GABRP: variants seen among roughly 807,000 people sequenced by gnomAD.
GABRP encodes the protein gamma-aminobutyric acid receptor subunit pi.
A neutral mutation model predicts 47.8 loss-of-function variants in GABRP; 52 were observed. The observed-to-expected ratio is 1.09, with a 90% CI of 0.87 to 1.37. The LOEUF (loss-of-function observed/expected upper bound fraction) is 1.37, where lower values mean the gene tolerates loss of function less well. Ranked by LOEUF, GABRP falls within the 40% of genes most tolerant of loss-of-function variation. The pLI, the probability that GABRP is intolerant of heterozygous loss-of-function variation, is 0.00. For missense variants in GABRP, 525 were observed against 542.8 expected (o/e 0.97, Z 0.33); for synonymous variants, 221 against 205.8 (o/e 1.07, Z -0.63).
chr5:170,792,919 G>C (rs965045413), intron 3 of GABRP, among the ~76,000 whole-genome samples: 2 of 152,130 alleles, frequency 1.3e-5, no homozygotes, highest in Non-Finnish European at 2.9e-5. Flanking sequence ...GCAAGTGAAT[G>C]CTATTGCATC....
chr5:170,802,910 G>A (rs1179416568), intron 6 of GABRP, among the ~76,000 whole-genome samples: 1 of 152,130 alleles, frequency 6.6e-6, no homozygotes, highest in African/African-American at 2.4e-5. Context: ...ACCTCACTAT[G>A]GGTTTTTTTC....
chr5:170,808,278 C>A (rs1765787539), intron 7 of GABRP, among the ~76,000 whole-genome samples: 1 of 152,120 alleles, frequency 6.6e-6, no homozygotes, highest in Non-Finnish European at 1.5e-5. Flanking sequence ...TTTGTGAGTG[C>A]AGAACTGAAA....
At position 170,797,564 on chromosome 5, in the gene GABRP, A is replaced by G. The variant is rs200666504; in HGVS notation, c.541+16A>G. 204 of 1,524,078 alleles carry G rather than the reference A, an allele frequency of 1.3e-4. No individual in the cohort carries two copies. The highest frequency in any genetic ancestry group is 1.6e-4 in the Non-Finnish European group (175 of 1,098,462). 94.4% of individuals were successfully genotyped at this position (1,524,078 alleles called of 1,614,324 possible). ...CTGGAAAGCTGTAAGTATACATCCT[A>G]CAGGCTCCTGAGATGATTTTCCTGG... On this transcript the variant is annotated intron_variant, in intron 6 of 9. Transcript: ENST00000265294.
At chr5:170,809,077 C>T (rs1476237318) in intron 8 of GABRP, among the ~76,000 whole-genome samples, 8 of 152,130 alleles carry the variant, frequency 5.3e-5, no homozygotes, top group Admixed American at 5.2e-4. Flanking sequence ...GCTGGGACTA[C>T]AGGCATGTGC....
intron 9 of GABRP, among the ~76,000 whole-genome samples, chr5:170,810,600 T>C (rs1387133124): frequency 6.6e-6 from 1 of 152,202 alleles, no homozygotes; most frequent in African/African-American, 2.4e-5. Context: ...CTAGTGTTAT[T>C]TGGAAGCCAA....
At chr5:170,797,106 C>T (rs1270750020) in intron 5 of GABRP, among the ~76,000 whole-genome samples, 4 of 152,310 alleles carry the variant, frequency 2.6e-5, no homozygotes, top group African/African-American at 7.2e-5. Flanking sequence ...CAAGTGGTGA[C>T]GATAGTGATG....
rs1441004989 is a variant in GABRP, at chr5:170,809,655, A to T, written c.920A>T (p.Asp307Val). Residue 307 changes from aspartate to valine, a missense_variant, in exon 9 of 10, where the codon GAT becomes GTT. By Grantham distance (152) the Asp-to-Val change is radical (BLOSUM62 -3). Transcript: ENST00000265294. ...ACCAACTGCTTCATCAAGGCCATCG[A>T]TGTGTACCTGGGGATCTGCTTTAGC... is the stretch of plus-strand genomic sequence containing the variant. ...PNTNCFIKAI[D>V]VYLGICFSFV... 1.2e-6 allele frequency: 2 copies of T among 1,614,128 alleles called. No individual in the cohort carries two copies. The highest frequency in any genetic ancestry group is 1.7e-6 in the Non-Finnish European group (2 of 1,180,020).
intron 2 of GABRP, 120 bp from the exon 3 acceptor site, chr5:170,789,009 T>C (rs1765195299): frequency 1.3e-6 from 1 of 748,398 alleles, no homozygotes; most frequent in Admixed American, 2.3e-5. Context: ...ATGTCACTGC[T>C]GGTACATGGG....
At chr5:170,809,202 G>T (rs189223836) in intron 8 of GABRP, among the ~76,000 whole-genome samples, 8 of 152,318 alleles carry the variant, frequency 5.3e-5, no homozygotes, top group Admixed American at 3.9e-4. Flanking sequence ...CTCCCAAAGT[G>T]CTGGGATTAC....
At chr5:170,791,687 T>G (rs1182096880) in intron 3 of GABRP, among the ~76,000 whole-genome samples, 2 of 152,052 alleles carry the variant, frequency 1.3e-5, no homozygotes, top group Non-Finnish European at 2.9e-5. Flanking sequence ...TCTCGTGTCT[T>G]TTCCATTCTC....
chr5:170,795,208 G>A lies in GABRP; in HGVS notation c.241G>A (p.Asp81Asn). 6.2e-7 allele frequency: 1 copy of A among 1,611,758 alleles called. No individual in the cohort carries two copies. Among genetic ancestry groups the A allele is most frequent in the Non-Finnish European group, 8.5e-7 (1 of 1,178,890 alleles). The change falls in exon 5 of 10, where the codon GAC becomes AAC. Residue 81 changes from aspartate to asparagine, a missense_variant and splice_region_variant. Transcript: ENST00000265294. ...SISSISESNM[D>N]YTATIYLRQR... ...TCCATACCCTGCCTCCCCCTCCCAG[G>A]ACTACACAGCCACCATATACCTCCG...
At chr5:170,786,905 A>G (rs1765143774) in intron 1 of GABRP, among the ~76,000 whole-genome samples, 1 of 152,236 alleles carries the variant, frequency 6.6e-6, no homozygotes, top group Non-Finnish European at 1.5e-5. Context: ...ATATATGTGT[A>G]TCTGTGGATA....
rs554417290 is a variant in GABRP at position 170,785,962 on chromosome 5, T to A, written c.-43+2088T>A. Among the ~76,000 whole-genome samples, 86 of 152,330 alleles carry A rather than the reference T, an allele frequency of 5.6e-4. 1 individual carries two copies. In the South Asian group the frequency reaches 0.017, roughly 30 times the overall value. ...ACTCTTCAAGAATCAAATGACCTTT[T>A]CTGTGACTTCCCTTTTGACATTGCC... On this transcript the variant is annotated intron_variant, in intron 1 of 9. Coordinates refer to ENST00000265294, the MANE Select transcript of GABRP (RefSeq NM_014211.3).
chr5:170,790,012 A>G (rs1765225668), intron 3 of GABRP, among the ~76,000 whole-genome samples: 1 of 152,154 alleles, frequency 6.6e-6, no homozygotes, highest in Admixed American at 6.5e-5. Context: ...TCAAAATCAT[A>G]GCCGTTCCCA....
Position 170,812,512 on chromosome 5 carries a change from G to T in GABRP, c.*254G>T, listed in dbSNP as rs1765916092. On this transcript the variant is annotated 3_prime_UTR_variant, in exon 10 of 10. Transcript: ENST00000265294. ...TCTTAATCAAGGACATTCCCATGGAGCCCAAGATTACAAATGTACTCAGGG... is the reference window on the plus strand; with the variant it reads ...TCTTAATCAAGGACATTCCCATGGATCCCAAGATTACAAATGTACTCAGGG... The T allele has an allele frequency of 4.6e-6, 2 of 436,110 alleles. No individual in the cohort carries two copies. Among genetic ancestry groups the T allele is most frequent in the South Asian group, 3.2e-5 (1 of 31,058 alleles). 27.0% of individuals were successfully genotyped at this position (436,110 alleles called of 1,614,324 possible). A position where few individuals can be genotyped will look rare whatever the true frequency, so the allele number is the denominator to read the frequency against.
chr5:170,809,230 C>T (rs547187713), intron 8 of GABRP, among the ~76,000 whole-genome samples: 1 of 152,282 alleles, frequency 6.6e-6, no homozygotes, highest in South Asian at 2.1e-4. Context: ...AGCCACTATG[C>T]CCTGCCAGGA....
intron 6 of GABRP, among the ~76,000 whole-genome samples, chr5:170,797,839 C>A (rs1765472188): frequency 6.6e-6 from 1 of 152,184 alleles, no homozygotes; most frequent in Admixed American, 6.5e-5. Context: ...CAGGGGTCAG[C>A]AAACAACGGC....
At chr5:170,800,882 G>T (rs924973996) in intron 6 of GABRP, among the ~76,000 whole-genome samples, 1 of 152,180 alleles carries the variant, frequency 6.6e-6, no homozygotes, top group Non-Finnish European at 1.5e-5. Context: ...GGAGGTGGAG[G>T]TTGCAGTGAG....
chr5:170,808,725 G>T lies in GABRP; in HGVS notation c.805G>T (p.Asp269Tyr). The T allele has an allele frequency of 4.3e-6, 7 of 1,614,068 alleles. No homozygotes were observed. Among genetic ancestry groups the T allele is most frequent in the South Asian group, 1.1e-5 (1 of 91,074 alleles). ...LSWVSFWISLDSVPARTCIGV... is the reference protein window; with the variant it reads ...LSWVSFWISLYSVPARTCIGV... ...CTGGGTTTCATTTTGGATCTCTCTC[G>T]ATTCAGTCCCTGCAAGAACCTGCAT... is the stretch of plus-strand genomic sequence containing the variant. The change falls in exon 8 of 10, where the codon GAT becomes TAT. Residue 269 changes from aspartate (D) to tyrosine (Y), a missense_variant. Transcript: ENST00000265294.
Sources: allele counts gnomAD v4.1 joint callset (sites outside exome capture counted in the v4.1 genomes callset), GRCh38; gene constraint gnomAD v4.1.1; transcripts MANE v1.5; gene names NCBI Gene and HGNC (gene_info 2026-07-23, HGNC 2026-07-21).